FBN1: variants seen among roughly 807,000 people sequenced by gnomAD.
The protein encoded by FBN1 is fibrillin-1.
A neutral mutation model predicts 365.1 loss-of-function variants in FBN1; 29 were observed. The ratio of observed to expected loss-of-function variants is 0.08; its 90% CI spans 0.06 to 0.11. FBN1 has a LOEUF of 0.11. FBN1 is among the 10% of genes least tolerant of loss of function. FBN1 has a pLI of 1.00. For synonymous variants in FBN1, 1,210 were observed against 1,270.5 expected, an observed-to-expected ratio of 0.95 and a Z score of 1.01; for missense variants, 2,476 against 3,703.2, an observed-to-expected ratio of 0.67 and a Z score of 8.60.
At chr15:48,492,314 A>T in intron 24 of FBN1, 147 bp downstream of exon 24, 1 of 692,770 alleles carries the variant, frequency 1.4e-6, no homozygotes, top group Admixed American at 2.5e-5. Context: ...AGACTGTCAA[A>T]GGAGTGGCCA....
At chr15:48,414,485 T>C (rs972282662) in intron 64 of FBN1, among the ~76,000 whole-genome samples, 1 of 151,408 alleles carries the variant, frequency 6.6e-6, no homozygotes, top group Non-Finnish European at 1.5e-5. Context: ...AAATGTGCAC[T>C]TCCTCTCAGG....
intron 56 of FBN1, among the ~76,000 whole-genome samples, chr15:48,428,698 T>G (rs1186483119): frequency 1.3e-5 from 2 of 152,100 alleles, no homozygotes; most frequent in Non-Finnish European, 1.5e-5. Context: ...GGCTCAAAAT[T>G]TAAAAGGTAT....
intron 2 of FBN1, among the ~76,000 whole-genome samples, chr15:48,632,282 A>T (rs1345629177): frequency 6.6e-6 from 1 of 152,212 alleles, no homozygotes; most frequent in East Asian, 1.9e-4. Flanking sequence ...GTATCCAGAT[A>T]GGTATGATTA....
At chr15:48,463,531 A>G (rs893714496) in intron 41 of FBN1, among the ~76,000 whole-genome samples, 2 of 152,242 alleles carry the variant, frequency 1.3e-5, no homozygotes, top group Non-Finnish European at 2.9e-5. Context: ...GTCTCCTAGT[A>G]ACAATTCCCT....
chr15:48,522,294 T>A lies in FBN1; in HGVS notation c.989-1477A>T, dbSNP rs567783394. Among the ~76,000 whole-genome samples the A allele has an allele frequency of 8.7e-4, 133 of 152,220 alleles. No individual in the cohort carries two copies. In the Middle Eastern group the frequency reaches 0.014, roughly 16 times the overall value. On this transcript the variant is annotated intron_variant, in intron 9 of 65. Transcript: ENST00000316623. ...TATTAATTAATTTAATACACTTTAT[T>A]GTGTATAATAAATTAATATTGTGTA...
chr15:48,544,284 T>C (rs528792396), intron 6 of FBN1, among the ~76,000 whole-genome samples: 114 of 152,256 alleles, frequency 7.5e-4, no homozygotes, highest in Non-Finnish European at 1.3e-3. Context: ...ATTACCTATT[T>C]AACATGGTCT....
intron 62 of FBN1, among the ~76,000 whole-genome samples, 197 bp downstream of exon 62, chr15:48,421,361 T>C (rs2042939809): frequency 6.6e-6 from 1 of 152,212 alleles, no homozygotes; most frequent in South Asian, 2.1e-4. Flanking sequence ...AGGAAAGGCA[T>C]GTGTGTTAGA....
chr15:48,595,375 T>C (rs1467964907), intron 6 of FBN1, among the ~76,000 whole-genome samples: 1 of 152,218 alleles, frequency 6.6e-6, no homozygotes, highest in Non-Finnish European at 1.5e-5. Flanking sequence ...TAAAAGTTCA[T>C]GCAAATTTTC....
intron 30 of FBN1, among the ~76,000 whole-genome samples, chr15:48,484,456 C>A (rs947590300): frequency 6.6e-6 from 1 of 151,880 alleles, no homozygotes. Flanking sequence ...ACTGCAACCA[C>A]CGCCTCCCAG....
intron 2 of FBN1, among the ~76,000 whole-genome samples, chr15:48,617,133 C>G (rs1889669452): frequency 6.6e-6 from 1 of 151,944 alleles, no homozygotes; most frequent in Non-Finnish European, 1.5e-5. Flanking sequence ...ATCAATAGAC[C>G]AAGGATAAAG....
chr15:48,452,271 G>A (rs1462045393), intron 45 of FBN1, among the ~76,000 whole-genome samples: 1 of 152,104 alleles, frequency 6.6e-6, no homozygotes, highest in African/African-American at 2.4e-5. Context: ...AATGTGTGGG[G>A]GTGAGTGTTT....
rs531307155 is a variant in FBN1, at chr15:48,627,698, C to T, written c.165-14606G>A. Among the ~76,000 whole-genome samples, 226 of 152,302 alleles carry T rather than the reference C, an allele frequency of 1.5e-3. 2 individuals are homozygous for T. Among genetic ancestry groups the T allele is most frequent in the South Asian group, 4.8e-3 (23 of 4,816 alleles). ...ATTCAGAGGCTGCTGGGATATTGTC[C>T]ATTACACAGAGAAAGTGGTGACTGT... On this transcript the variant is annotated intron_variant, in intron 2 of 65. Transcript: ENST00000316623.
chr15:48,563,854 A>G (rs952116181), intron 6 of FBN1, among the ~76,000 whole-genome samples: 1 of 152,196 alleles, frequency 6.6e-6, no homozygotes, highest in African/African-American at 2.4e-5. Flanking sequence ...AATCCAGAAC[A>G]ATTTTAAAAA....
intron 54 of FBN1, among the ~76,000 whole-genome samples, chr15:48,434,099 C>G (rs925063587): frequency 6.6e-6 from 1 of 152,160 alleles, no homozygotes; most frequent in Non-Finnish European, 1.5e-5. Flanking sequence ...TACATTCCAC[C>G]AGGCTTACGG....
At chr15:48,417,206 AT>A (rs2042908792) in intron 63 of FBN1, among the ~76,000 whole-genome samples, 1 of 152,162 alleles carries the variant, frequency 6.6e-6, no homozygotes, top group Non-Finnish European at 1.5e-5. Flanking sequence ...AGGCACATTC[AT>A]TTATAAAGAA....
intron 6 of FBN1, among the ~76,000 whole-genome samples, chr15:48,589,881 G>A (rs539607538): frequency 2.1e-4 from 32 of 152,122 alleles, no homozygotes; most frequent in Admixed American, 1.6e-3. Flanking sequence ...CTCCCAAAGT[G>A]CTGGGATTAC....
intron 2 of FBN1, among the ~76,000 whole-genome samples, chr15:48,624,283 G>A (rs1889829710): frequency 6.6e-6 from 1 of 152,200 alleles, no homozygotes; most frequent in Admixed American, 6.5e-5. Context: ...GGATTAAGCA[G>A]CACTAAGAAC....
Position 48,596,327 on chromosome 15 carries a change from C to A in FBN1, c.494G>T (p.Arg165Leu). 2 of 1,614,016 alleles carry A rather than the reference C, an allele frequency of 1.2e-6. No homozygotes were observed. Among genetic ancestry groups the A allele is most frequent in the Non-Finnish European group, 1.7e-6 (2 of 1,179,896 alleles). Residue 165 changes from arginine to leucine, a missense_variant, in exon 6 of 66, where the codon CGA becomes CTA. Arg to Leu is a moderately radical substitution (Grantham distance 102). This residue lies in a region of FBN1 where 421 missense variants were observed against 520.1 expected (regional missense o/e 0.81). Coordinates refer to ENST00000316623, the MANE Select transcript of FBN1 (RefSeq NM_000138.5). ...LNGGRCVAPNRCACTYGFTGP... is the reference protein window; with the variant it reads ...LNGGRCVAPNLCACTYGFTGP... ...AGTAAATCCGTAAGTGCATGCACATCGATTTGGGGCCACACACCTTCCTCC... is the reference window on the plus strand; with the variant it reads ...AGTAAATCCGTAAGTGCATGCACATAGATTTGGGGCCACACACCTTCCTCC...
intron 6 of FBN1, among the ~76,000 whole-genome samples, chr15:48,577,464 C>T (rs1159046018): frequency 6.6e-6 from 1 of 152,098 alleles, no homozygotes; most frequent in Non-Finnish European, 1.5e-5. Flanking sequence ...GGTTTATAAA[C>T]CACTGATTAA....
Sources: gnomAD v4.1 joint callset for allele counts (sites outside exome capture counted in the v4.1 genomes callset) on GRCh38, gnomAD v4.1.1 for gene constraint, gnomAD v4.1.1 regional missense constraint, MANE v1.5 for transcripts, NCBI Gene and HGNC (gene_info 2026-07-23, HGNC 2026-07-21) for gene names.